Variants in GPR137B observed in about 807,000 individuals in gnomAD.
GPR137B encodes the protein G protein-coupled receptor 137B.
In GPR137B, 42 loss-of-function variants were observed where a neutral mutation model predicts 42.5. The observed-to-expected ratio is 0.99, with a 90% CI of 0.77 to 1.28. The LOEUF (loss-of-function observed/expected upper bound fraction) is 1.28. Ranked by LOEUF, GPR137B falls within the 50% of genes most tolerant of loss-of-function variation. The pLI is 0.00. For missense variants in GPR137B, 487 were observed against 493.9 expected, an observed-to-expected ratio of 0.99 and a Z score of 0.13; for synonymous variants, 218 against 209.7, an observed-to-expected ratio of 1.04 and a Z score of -0.34.
Position 236,208,136 on chromosome 1 carries a change from C to G in GPR137B, c.1178C>G (p.Pro393Arg). The stretch of plus-strand genomic sequence containing the variant: ...ACTTTGCAAGACTCAACTTTGGATC[C>G]TGACAAACCAAGCCTTGGGTAGCAT... ...AGTLQDSTLD[P>R]DKPSLG Residue 393 changes from proline to arginine, a missense_variant, in exon 7 of 7, where the codon CCT becomes CGT. Coordinates refer to ENST00000366592, the MANE Select transcript of GPR137B (RefSeq NM_003272.4). The G allele has an allele frequency of 6.2e-7, 1 of 1,613,810 alleles. No individual in the cohort carries two copies. Among genetic ancestry groups the G allele is most frequent in the Non-Finnish European group, 8.5e-7 (1 of 1,179,760 alleles).
chr1:236,163,113 T>C lies in GPR137B; in HGVS notation c.415-5593T>C, dbSNP rs188707553. 1.6e-4 allele frequency among the ~76,000 whole-genome samples: 24 copies of C among 152,322 alleles called. No individual in the cohort carries two copies. The East Asian group carries it at 4.6e-3, about 29-fold the overall frequency. On this transcript the variant is annotated intron_variant, in intron 1 of 6. Transcript: ENST00000366592. ...CATGGGAACCCACCTCTTGCATCAC[T>C]GTGACCTGGATGTGAGACTTGGAGT...
intron 5 of GPR137B, among the ~76,000 whole-genome samples, chr1:236,188,230 A>C (rs551041341): frequency 1.2e-4 from 18 of 152,290 alleles, no homozygotes; most frequent in Non-Finnish European, 2.2e-4. Flanking sequence ...GGGCTGAGAC[A>C]GTGGGGTTTT....
chr1:236,207,994 A>G, intron 6 of GPR137B, 56 bp from the exon 7 acceptor site: 2 of 1,267,388 alleles, frequency 1.6e-6, no homozygotes, highest in Middle Eastern at 1.9e-4. Context: ...AAACTAGACT[A>G]TGTCATACAT....
In GPR137B at chr1:236,208,311, T is replaced by C; in HGVS notation, c.*153T>C. ...ATGGCCCCATAGGAATAAGCAATAA[T>C]GTAGACTGATAAACCCTTATTTTAG... On this transcript the variant is annotated 3_prime_UTR_variant, in exon 7 of 7. Coordinates refer to ENST00000366592, the MANE Select transcript of GPR137B (RefSeq NM_003272.4). 3 of 1,419,366 alleles carry C rather than the reference T, an allele frequency of 2.1e-6. No homozygotes were observed. The highest frequency in any genetic ancestry group is 1.4e-5 in the African/African-American group (1 of 69,714). The allele number at this position is 1,419,366 out of a possible 1,614,324, so 87.9% of individuals were successfully genotyped here.
intron 1 of GPR137B, among the ~76,000 whole-genome samples, chr1:236,168,012 C>G (rs571621079): frequency 6.6e-6 from 1 of 152,264 alleles, no homozygotes; most frequent in African/African-American, 2.4e-5. Context: ...CTTCTTTTGT[C>G]CAAAGATGTT....
At chr1:236,186,740 A>G (rs1663049527) in intron 5 of GPR137B, among the ~76,000 whole-genome samples, 1 of 152,038 alleles carries the variant, frequency 6.6e-6, no homozygotes, top group African/African-American at 2.4e-5. Context: ...TCTATCATTG[A>G]TGGACATTTG....
rs1434860627 is a variant in GPR137B at position 236,150,273 on chromosome 1, GTGCCTGTGTGTGTCTT to G, written c.414+7247_414+7262del. The stretch of plus-strand genomic sequence containing the variant: ...TGTGTGCCTGTGTTTGTGTGTGTCT[GTGCCTGTGTGTGTCTT>G]TGCCTGTGTTTGTGTGTATGTGCCT... On this transcript the variant is annotated intron_variant, in intron 1 of 6. Coordinates refer to ENST00000366592, the MANE Select transcript of GPR137B (RefSeq NM_003272.4). The surrounding 1 kb of genome is among the most constrained non-coding windows in gnomAD (Gnocchi z 6.2). Among the ~76,000 whole-genome samples, 15 of 150,590 alleles carry G rather than the reference GTGCCTGTGTGTGTCTT, an allele frequency of 1.0e-4. No homozygotes were observed. Among genetic ancestry groups the G allele is most frequent in the African/African-American group, 3.4e-4 (14 of 40,854 alleles).
rs765907954 is a variant in GPR137B, at chr1:236,142,711, C to G, written c.89C>G (p.Pro30Arg). 6.2e-6 allele frequency: 10 copies of G among 1,602,416 alleles called. No individual in the cohort carries two copies. Among genetic ancestry groups the G allele is most frequent in the Non-Finnish European group, 7.6e-6 (9 of 1,177,204 alleles). The change falls in exon 1 of 7, where the codon CCG (proline) becomes CGG (arginine). Residue 30 changes from proline to arginine, a missense_variant. Pro to Arg is a moderately radical substitution (Grantham distance 103). Coordinates refer to ENST00000366592, the MANE Select transcript of GPR137B (RefSeq NM_003272.4). ...GACCCAGCCCGCAACGACTCGCTGC[C>G]GCCCACGCTGACCCCGGCCGTGCCC... ...PWDPARNDSL[P>R]PTLTPAVPPY...
intron 5 of GPR137B, among the ~76,000 whole-genome samples, chr1:236,185,225 A>G (rs374219208): frequency 3.9e-5 from 6 of 152,226 alleles, no homozygotes; most frequent in Non-Finnish European, 8.8e-5. Context: ...GGGGAAATCT[A>G]TAACTCAAAC....
rs571900340 is a variant in GPR137B, at chr1:236,198,933, T to C, written c.967-6193T>C. The stretch of plus-strand genomic sequence containing the variant: ...CTCTGGCTAAGGACTTCCAGTACTA[T>C]GTTGAATAGAAGTGGTGAAAGAGGG... On this transcript the variant is annotated intron_variant, in intron 5 of 6. Coordinates refer to ENST00000366592, the MANE Select transcript of GPR137B (RefSeq NM_003272.4). Among the ~76,000 whole-genome samples, 4 of 152,350 alleles carry C rather than the reference T, an allele frequency of 2.6e-5. No homozygotes were observed. In the East Asian group the frequency reaches 7.7e-4, roughly 29 times the overall value.
chr1:236,170,039 CAAAAAAAAAA>C (rs11346365), intron 2 of GPR137B, among the ~76,000 whole-genome samples: 1 of 36,844 alleles, frequency 2.7e-5, no homozygotes, highest in Admixed American at 2.9e-4. Context: ...GAATCCATCT[CAAAAAAAAAA>C]AAAAAAAAAA....
At chr1:236,184,412 C>T (rs377408664) in intron 5 of GPR137B, among the ~76,000 whole-genome samples, 15 of 152,286 alleles carry the variant, frequency 9.8e-5, no homozygotes, top group East Asian at 3.9e-4. Flanking sequence ...GTTCAACCAA[C>T]TTTATATGAA....
At chr1:236,197,638 A>AGGG (rs762700963) in intron 5 of GPR137B, among the ~76,000 whole-genome samples, 17 of 152,200 alleles carry the variant, frequency 1.1e-4, no homozygotes, top group Non-Finnish European at 2.5e-4. Context: ...TTTGTTGAAC[A>AGGG]GGGTGTCCTT....
intron 2 of GPR137B, among the ~76,000 whole-genome samples, chr1:236,169,467 T>TTA (rs1285076979): frequency 6.6e-6 from 1 of 152,230 alleles, no homozygotes; most frequent in Non-Finnish European, 1.5e-5. Context: ...GAAGAATGTG[T>TTA]TATAGCTGAG....
At chr1:236,204,288 G>A (rs545235533) in intron 5 of GPR137B, among the ~76,000 whole-genome samples, 15 of 152,242 alleles carry the variant, frequency 9.9e-5, no homozygotes, top group Admixed American at 2.0e-4. Flanking sequence ...TCTTTCCAAT[G>A]TATTGTTGAA....
rs1420923137 is a variant in GPR137B, at chr1:236,179,980, C to A, written c.789C>A (p.Asn263Lys). Reference protein sequence around the residue: ...YNLFILSFSQNKSVHSFDYDW... With the variant: ...YNLFILSFSQKKSVHSFDYDW... The stretch of plus-strand genomic sequence containing the variant: ...TGTTCATCCTGTCATTTTCTCAGAA[C>A]AAGAGCGTCCATTCCTTTGATTATG... The change falls in exon 4 of 7, where the codon AAC becomes AAA. Residue 263 changes from asparagine (N) to lysine (K), a missense_variant. Physicochemically the swap from Asn to Lys is moderately conservative, Grantham distance 94 (BLOSUM62 0). Coordinates refer to ENST00000366592, the MANE Select transcript of GPR137B (RefSeq NM_003272.4). 6.2e-7 allele frequency: 1 copy of A among 1,613,618 alleles called. No homozygotes were observed. Among genetic ancestry groups the A allele is most frequent in the Non-Finnish European group, 8.5e-7 (1 of 1,179,572 alleles).
At chr1:236,186,277 A>AATAT (rs1174281631) in intron 5 of GPR137B, among the ~76,000 whole-genome samples, 4 of 17,970 alleles carry the variant, frequency 2.2e-4, no homozygotes, top group Middle Eastern at 0.031. Context: ...TATTATATAT[A>AATAT]ATAATATAAA....
chr1:236,183,851 T>C lies in GPR137B; in HGVS notation c.911T>C (p.Leu304Ser). The C allele has an allele frequency of 6.2e-7, 1 of 1,605,776 alleles. No homozygotes were observed. The highest frequency in any genetic ancestry group is 8.5e-7 in the Non-Finnish European group (1 of 1,172,540). Reference sequence around the variant, plus strand: ...GTGGTGTTATTTGTTTGGGAACTCTTACCTACCACCTTAGTCGTTTATTTC... The same window carrying C: ...GTGGTGTTATTTGTTTGGGAACTCTCACCTACCACCTTAGTCGTTTATTTC... ...FGVVLFVWEL[L>S]PTTLVVYFFR... is the part of the protein sequence containing the mutation. The change falls in exon 5 of 7, where the codon TTA becomes TCA. Residue 304 changes from leucine (L) to serine (S), a missense_variant. Coordinates refer to ENST00000366592, the MANE Select transcript of GPR137B (RefSeq NM_003272.4).
intron 4 of GPR137B, among the ~76,000 whole-genome samples, chr1:236,181,737 G>A (rs1002638432): frequency 3.9e-5 from 6 of 152,124 alleles, no homozygotes; most frequent in African/African-American, 1.4e-4. Flanking sequence ...AACACAGGAT[G>A]GCAGAAAGCT....
Sources: gnomAD v4.1 joint callset for allele counts (sites outside exome capture counted in the v4.1 genomes callset) on GRCh38, gnomAD v4.1.1 for gene constraint, Gnocchi (gnomAD v3.1) non-coding constraint, MANE v1.5 for transcripts, NCBI Gene and HGNC (gene_info 2026-07-23, HGNC 2026-07-21) for gene names.